The following COMMD1 variants were observed in gnomAD, a reference collection of about 807,000 sequenced individuals.
COMMD1 encodes COMM domain-containing protein 1.
COMMD1 carries 10 observed loss-of-function variants against 17.2 expected under a neutral mutation model. The observed-to-expected ratio is 0.58, with a 90% CI of 0.36 to 0.99. The LOEUF is 0.99. Among genes scored for constraint, COMMD1 ranks in the 50% least tolerant of loss-of-function variants. The pLI is 0.01. For synonymous variants in COMMD1, 97 were observed against 91.6 expected, an observed-to-expected ratio of 1.06 and a Z score of -0.34; for missense variants, 270 against 231.8, an observed-to-expected ratio of 1.17 and a Z score of -1.07.
At chr2:61,981,897 G>C (rs1671964301) in intron 1 of COMMD1, among the ~76,000 whole-genome samples, 1 of 152,162 alleles carries the variant, frequency 6.6e-6, no homozygotes, top group Admixed American at 6.5e-5. Context: ...TAGCTCTGTA[G>C]TATAATTTGA....
intron 2 of COMMD1, among the ~76,000 whole-genome samples, chr2:62,017,673 A>G (rs558565774): frequency 6.6e-6 from 1 of 151,498 alleles, no homozygotes; most frequent in Non-Finnish European, 1.5e-5. Context: ...CCTGTCTCCA[A>G]AAAAAGAAAA....
chr2:62,039,413 G>T (rs1210011205), intron 2 of COMMD1, among the ~76,000 whole-genome samples: 1 of 152,176 alleles, frequency 6.6e-6, no homozygotes, highest in Non-Finnish European at 1.5e-5. Flanking sequence ...ATATCACTAT[G>T]GCCTTTCTTT....
intron 2 of COMMD1, among the ~76,000 whole-genome samples, chr2:62,044,183 G>T (rs114781273): frequency 0.012 from 1,839 of 152,278 alleles, 41 homozygotes; most frequent in African/African-American, 0.043. Flanking sequence ...AACTTTGGCA[G>T]CCAATTTATA....
chr2:62,042,407 G>A (rs1001243570), intron 2 of COMMD1, among the ~76,000 whole-genome samples: 2 of 152,152 alleles, frequency 1.3e-5, no homozygotes, highest in Non-Finnish European at 2.9e-5. Context: ...AAGCCCAGCC[G>A]GCTTTACCTC....
In COMMD1 at chr2:61,913,816, A is replaced by G. The variant is rs28505831; in HGVS notation, c.180+7958A>G. On this transcript the variant is annotated intron_variant, in intron 1 of 2. Coordinates refer to ENST00000311832, the MANE Select transcript of COMMD1 (RefSeq NM_152516.4). ...ATCTCCAAAAAAAAAAAAAAAAAAA[A>G]AGAAAAGTGTGTTAACCTCTGTTCC... 1.7e-3 allele frequency among the ~76,000 whole-genome samples: 167 copies of G among 100,186 alleles called. 35 individuals carry two copies. The highest frequency in any genetic ancestry group is 4.9e-3 in the South Asian group (14 of 2,886). 65.7% of individuals were successfully genotyped at this position (100,186 alleles called of 152,430 possible).
At chr2:61,960,751 G>A (rs1043725887) in intron 1 of COMMD1, among the ~76,000 whole-genome samples, 5 of 152,018 alleles carry the variant, frequency 3.3e-5, no homozygotes, top group African/African-American at 7.2e-5. Context: ...TTTCCCCCTC[G>A]GGAGGTAACC....
intron 1 of COMMD1, among the ~76,000 whole-genome samples, chr2:61,910,063 C>T (rs1427628602): frequency 6.6e-6 from 1 of 152,142 alleles, no homozygotes; most frequent in Non-Finnish European, 1.5e-5. Context: ...AAAGGACAAA[C>T]CTTTCACCTG....
chr2:62,093,355 C>T (rs1452574925), intron 2 of COMMD1, among the ~76,000 whole-genome samples: 1 of 152,204 alleles, frequency 6.6e-6, no homozygotes, highest in South Asian at 2.1e-4. Flanking sequence ...TTTGGGCTAC[C>T]ATGGGGGATG....
intron 1 of COMMD1, among the ~76,000 whole-genome samples, chr2:61,938,264 A>G (rs1325329859): frequency 1.3e-5 from 2 of 149,602 alleles, no homozygotes. Flanking sequence ...CTTCCTGGGC[A>G]TGCGTATTAA....
chr2:61,935,416 G>A (rs1173416830), intron 1 of COMMD1, among the ~76,000 whole-genome samples: 1 of 152,058 alleles, frequency 6.6e-6, no homozygotes, highest in African/African-American at 2.4e-5. Context: ...ATCACTTGAG[G>A]TTAGGAGTTC....
In COMMD1 at chr2:61,958,467, G is replaced by A. The variant is rs1329681634; in HGVS notation, c.181-42234G>A. Among the ~76,000 whole-genome samples, 6 of 151,996 alleles carry A rather than the reference G, an allele frequency of 3.9e-5. No homozygotes were observed. In the South Asian group the frequency reaches 1.0e-3, roughly 26 times the overall value. On this transcript the variant is annotated intron_variant, in intron 1 of 2. Transcript: ENST00000311832. ...TTTTTAGTAGAGACAAAGTTTCACC[G>A]TATTGGCCAGGCTGCTCTTGAACTC...
chr2:62,070,766 A>G (rs938718979), intron 2 of COMMD1, among the ~76,000 whole-genome samples: 2 of 152,246 alleles, frequency 1.3e-5, no homozygotes, highest in African/African-American at 4.8e-5. Flanking sequence ...GCAGTGGCTC[A>G]CGCCTATAAT....
chr2:61,901,023 T>A (rs1669644802), upstream of COMMD1, among the ~76,000 whole-genome samples: 1 of 152,154 alleles, frequency 6.6e-6, no homozygotes, highest in Non-Finnish European at 1.5e-5. Flanking sequence ...CTCGGCTCAC[T>A]GCAACCTCCA....
At chr2:61,934,867 C>T (rs1397811102) in intron 1 of COMMD1, among the ~76,000 whole-genome samples, 2 of 152,194 alleles carry the variant, frequency 1.3e-5, no homozygotes, top group Non-Finnish European at 2.9e-5. Context: ...GTCCTCCTGC[C>T]TTGGCTTCCC....
chr2:61,981,791 C>T (rs1671960974), intron 1 of COMMD1, among the ~76,000 whole-genome samples: 1 of 152,118 alleles, frequency 6.6e-6, no homozygotes, highest in South Asian at 2.1e-4. Flanking sequence ...GACTTGCCCC[C>T]ATGATTCAAT....
intron 2 of COMMD1, 74 bp downstream of exon 2, chr2:62,001,056 G>A: frequency 7.4e-7 from 1 of 1,354,462 alleles, no homozygotes; most frequent in Non-Finnish European, 1.0e-6. Flanking sequence ...TATTCAGCTT[G>A]ATTTTATGCA....
rs780810527 is a variant in COMMD1 at position 62,000,701 on chromosome 2, T to C, written c.181T>C (p.Ser61Pro). The part of the protein sequence containing the change: ...FLAKMRGILK[S>P]IASADMDFNQ... The stretch of plus-strand genomic sequence containing the variant: ...TTTGCTTTTTCTGTCATCTTTATAG[T>C]CTATTGCGTCTGCAGACATGGATTT... Residue 61 changes from serine to proline, a missense_variant and splice_region_variant, in exon 2 of 3, where the codon TCT (serine) becomes CCT (proline). By Grantham distance (74) the Ser-to-Pro change is moderately conservative (BLOSUM62 -1). Transcript: ENST00000311832. 1 of 1,614,104 alleles carries C rather than the reference T, an allele frequency of 6.2e-7. No individual in the cohort carries two copies. The highest frequency in any genetic ancestry group is 1.1e-5 in the South Asian group (1 of 91,088).
At chr2:62,001,849 A>G (rs1640624955) in intron 2 of COMMD1, among the ~76,000 whole-genome samples, 1 of 152,098 alleles carries the variant, frequency 6.6e-6, no homozygotes, top group Admixed American at 6.6e-5. Flanking sequence ...TTTAATTTTA[A>G]TTTAAAAGAT....
chr2:61,932,157 G>C (rs556008023), intron 1 of COMMD1, among the ~76,000 whole-genome samples: 3 of 152,318 alleles, frequency 2.0e-5, no homozygotes, highest in South Asian at 4.1e-4. Flanking sequence ...ACCGCGTCTG[G>C]CCTTTTCTTC....
Sources: allele counts gnomAD v4.1 joint callset (sites outside exome capture counted in the v4.1 genomes callset), GRCh38; gene constraint gnomAD v4.1.1; transcripts MANE v1.5; gene names NCBI Gene and HGNC (gene_info 2026-07-23, HGNC 2026-07-21).